EEF1B2: variants seen among roughly 807,000 people sequenced by gnomAD.
EEF1B2 encodes the protein eukaryotic translation elongation factor 1 beta 2.
A neutral mutation model predicts 28.3 loss-of-function variants in EEF1B2; 12 were observed. That is an observed-to-expected ratio of 0.42 (90% CI 0.27 to 0.69). The LOEUF (loss-of-function observed/expected upper bound fraction) is 0.69. EEF1B2 is among the 30% of genes least tolerant of loss of function. The pLI, the probability that EEF1B2 is intolerant of heterozygous loss-of-function variation, is 0.22. For missense variants in EEF1B2, 234 were observed against 272.6 expected, an observed-to-expected ratio of 0.86 and a Z score of 1.00; for synonymous variants, 83 against 99.9, an observed-to-expected ratio of 0.83 and a Z score of 1.01.
rs1256868764 is a variant in EEF1B2 at position 206,161,449 on chromosome 2, C to T, written c.307C>T (p.Leu103Phe). The change falls in exon 3 of 6, where the codon CTC (leucine) becomes TTC (phenylalanine). Residue 103 changes from leucine (L) to phenylalanine (F), a missense_variant. Leu to Phe is a conservative substitution (Grantham distance 22, BLOSUM62 0). This residue lies in a region of EEF1B2 where 178 missense variants were observed against 173.3 expected (regional missense o/e 1.03). Coordinates refer to ENST00000392222, the MANE Select transcript of EEF1B2 (RefSeq NM_001959.4). ...TAGTAAAGATGATGATGACATTGACCTCTTTGGATCTGATGATGAGGAGGT... is the reference window on the plus strand; with the variant it reads ...TAGTAAAGATGATGATGACATTGACTTCTTTGGATCTGATGATGAGGAGGT... ...TDSKDDDDID[L>F]FGSDDEEESE... 6.2e-7 allele frequency: 1 copy of T among 1,613,786 alleles called. No individual in the cohort carries two copies. Among genetic ancestry groups the T allele is most frequent in the Non-Finnish European group, 8.5e-7 (1 of 1,179,844 alleles).
upstream of EEF1B2, chr2:206,159,843 T>C: frequency 3.2e-6 from 3 of 936,640 alleles, no homozygotes; most frequent in Non-Finnish European, 4.8e-6. Context: ...TCCGGCGCGG[T>C]GGAGGGAAAC....
Position 206,160,210 on chromosome 2 carries a change from C to T in EEF1B2, c.80+151C>T, listed in dbSNP as rs1049659607. ...GGGGAAAGCGCCCCGTTGCCGTCTC[C>T]CAAGGCCCTCGTGTGGGGCGAGCCC... On this transcript the variant is annotated intron_variant, in intron 1 of 5. Coordinates refer to ENST00000392222, the MANE Select transcript of EEF1B2 (RefSeq NM_001959.4). 87 of 1,074,642 alleles carry T rather than the reference C, an allele frequency of 8.1e-5. No homozygotes were observed. The Admixed American group carries it at 2.4e-3, about 29-fold the overall frequency. 66.6% of individuals were successfully genotyped at this position (1,074,642 alleles called of 1,614,324 possible).
At chr2:206,159,661 C>A, upstream of EEF1B2, 1 of 251,702 alleles carries the variant, frequency 4.0e-6, no homozygotes, top group East Asian at 8.5e-5. Flanking sequence ...GGGCTGGTTC[C>A]CGTCATCTTC....
chr2:206,162,478 A>G lies in EEF1B2; in HGVS notation c.398-11A>G. The G allele has an allele frequency of 6.2e-7, 1 of 1,611,962 alleles. No homozygotes were observed. Among genetic ancestry groups the G allele is most frequent in the Non-Finnish European group, 8.5e-7 (1 of 1,179,600 alleles). On this transcript the variant is annotated splice_polypyrimidine_tract_variant and intron_variant, in intron 4 of 5. Coordinates refer to ENST00000392222, the MANE Select transcript of EEF1B2 (RefSeq NM_001959.4). ...ATTCATTATTTGAATAATGCTGTTT[A>G]TTGTTTTTAGAACCTGCACTTGTTG...
rs1687859413 is a variant in EEF1B2 at position 206,160,045 on chromosome 2, G to A, written c.66G>A (p.Lys22=). The A allele has an allele frequency of 3.7e-6, 6 of 1,613,056 alleles. No individual in the cohort carries two copies. Among genetic ancestry groups the A allele is most frequent in the Non-Finnish European group, 4.2e-6 (5 of 1,179,594 alleles). ...LQVLNDYLAD[K]SYIEGYVPSQ... is the part of the protein sequence containing the mutation. ...TGCTCAACGATTACCTGGCGGACAAGAGCTACATCGAGGGGTGAGCGGACG... is the reference window on the plus strand; with the variant it reads ...TGCTCAACGATTACCTGGCGGACAAAAGCTACATCGAGGGGTGAGCGGACG... The change falls in exon 1 of 6, where the codon AAG becomes AAA. Residue 22 remains lysine (K), a synonymous_variant. Transcript: ENST00000392222.
At chr2:206,159,624 C>G (rs1027835191), upstream of EEF1B2, 8 of 230,650 alleles carry the variant, frequency 3.5e-5, no homozygotes, top group African/African-American at 4.6e-5. Flanking sequence ...CGAGGCCGGG[C>G]GTCTTCGGTC....
chr2:206,159,999 A>G lies in EEF1B2; in HGVS notation c.20A>G (p.Lys7Arg). The G allele has an allele frequency of 6.2e-7, 1 of 1,613,158 alleles. No homozygotes were observed. Among genetic ancestry groups the G allele is most frequent in the Non-Finnish European group, 8.5e-7 (1 of 1,179,760 alleles). The change falls in exon 1 of 6, where the codon AAA (lysine) becomes AGA (arginine). Residue 7 changes from lysine to arginine, a missense_variant. Coordinates refer to ENST00000392222, the MANE Select transcript of EEF1B2 (RefSeq NM_001959.4). MGFGDLKSPAGLQVLND... is the reference protein window; with the variant it reads MGFGDLRSPAGLQVLND... ...GACACCATGGGTTTCGGAGACCTGAAAAGCCCTGCCGGCCTCCAGGTGCTC... is the reference window on the plus strand; with the variant it reads ...GACACCATGGGTTTCGGAGACCTGAGAAGCCCTGCCGGCCTCCAGGTGCTC...
chr2:206,162,345 G>A (rs1687958671), intron 4 of EEF1B2, 144 bp from the exon 5 acceptor site: 1 of 1,360,072 alleles, frequency 7.4e-7, no homozygotes, highest in Non-Finnish European at 1.1e-6. Flanking sequence ...GGGTATATAT[G>A]TGTGACAGAC....
At chr2:206,161,134 T>G in intron 2 of EEF1B2, 1 of 615,196 alleles carries the variant, frequency 1.6e-6, no homozygotes, top group East Asian at 2.9e-5. Flanking sequence ...TAAATCATAG[T>G]GAGTATTGAA....
At chr2:206,161,208 C>T in intron 2 of EEF1B2, 138 bp from the exon 3 acceptor site, 1 of 1,207,408 alleles carries the variant, frequency 8.3e-7, no homozygotes. Flanking sequence ...CAGTGTTTAC[C>T]TGGGCGCATG....
Position 206,159,934 on chromosome 2 carries a change from G to T in EEF1B2, c.-46G>T. ...TCAGCGTGGGGCGCCCACAATTTGC[G>T]CGCTCTCTTTCTGCTGCTCCCCAGC... On this transcript the variant is annotated 5_prime_UTR_variant, in exon 1 of 6. Coordinates refer to ENST00000392222, the MANE Select transcript of EEF1B2 (RefSeq NM_001959.4). 6.3e-7 allele frequency: 1 copy of T among 1,595,934 alleles called. No individual in the cohort carries two copies. The highest frequency in any genetic ancestry group is 8.5e-7 in the Non-Finnish European group (1 of 1,173,098).
At position 206,162,765 on chromosome 2, in the gene EEF1B2, T is replaced by C. The variant is rs1022744069; in HGVS notation, c.560T>C (p.Leu187Pro). The change falls in exon 6 of 6, where the codon CTT becomes CCT. Residue 187 changes from leucine to proline, a missense_variant. Coordinates refer to ENST00000392222, the MANE Select transcript of EEF1B2 (RefSeq NM_001959.4). ...LVPVGYGIKK[L>P]QIQCVVEDDK... ...CCAGTGGGATACGGAATTAAGAAAC[T>C]TCAAATACAGTGTGTAGTTGAAGAT... 1.2e-6 allele frequency: 2 copies of C among 1,613,148 alleles called. No individual in the cohort carries two copies. The highest frequency in any genetic ancestry group is 1.7e-6 in the Non-Finnish European group (2 of 1,180,004).
At chr2:206,161,139 A>T in intron 2 of EEF1B2, 1 of 624,540 alleles carries the variant, frequency 1.6e-6, no homozygotes, top group South Asian at 1.9e-5. Flanking sequence ...CATAGTGAGT[A>T]TTGAAAATAA....
At position 206,162,008 on chromosome 2, in the gene EEF1B2, C is replaced by T. The variant is rs767124505; in HGVS notation, c.331-30C>T. On this transcript the variant is annotated intron_variant, in intron 3 of 5. Transcript: ENST00000392222. The stretch of plus-strand genomic sequence containing the variant: ...TTTAAGCAGAGGAACAACCAGCTTT[C>T]TGAAGTGGATTAATTTTTTTTCTTT... 2.5e-6 allele frequency: 4 copies of T among 1,602,068 alleles called. No homozygotes were observed. In the Admixed American group the frequency reaches 6.7e-5, roughly 27 times the overall value.
At chr2:206,161,284 G>A (rs1687920363) in intron 2 of EEF1B2, 62 bp from the exon 3 acceptor site, 2 of 1,597,578 alleles carry the variant, frequency 1.3e-6, no homozygotes, top group African/African-American at 1.3e-5. Context: ...AAGTTATTTT[G>A]TATTTTCTGG....
chr2:206,160,546 G>A (rs751448456), intron 1 of EEF1B2, 42 bp from the exon 2 acceptor site: 1 of 1,613,202 alleles, frequency 6.2e-7, no homozygotes, highest in Non-Finnish European at 8.5e-7. Context: ...GCTGGCGTTT[G>A]TTTTTCAAAG....
At chr2:206,161,982 C>A in intron 3 of EEF1B2, 56 bp from the exon 4 acceptor site, 1 of 1,501,160 alleles carries the variant, frequency 6.7e-7, no homozygotes, top group Middle Eastern at 1.7e-4. Flanking sequence ...ACCCCACTAG[C>A]TTTAAGCAGA....
intron 3 of EEF1B2, 79 bp from the exon 4 acceptor site, chr2:206,161,959 C>G (rs748946021): frequency 1.7e-5 from 22 of 1,258,300 alleles, no homozygotes; most frequent in East Asian, 4.6e-5. Context: ...TTAAGCCAGT[C>G]TTTTTTGTGA....
In EEF1B2 at chr2:206,159,941, C is replaced by T. The variant is rs778835616; in HGVS notation, c.-39C>T. 4.4e-6 allele frequency: 7 copies of T among 1,603,646 alleles called. No individual in the cohort carries two copies. Among genetic ancestry groups the T allele is most frequent in the Non-Finnish European group, 5.1e-6 (6 of 1,176,568 alleles). On this transcript the variant is annotated 5_prime_UTR_variant, in exon 1 of 6. Coordinates refer to ENST00000392222, the MANE Select transcript of EEF1B2 (RefSeq NM_001959.4). The stretch of plus-strand genomic sequence containing the variant: ...GGGGCGCCCACAATTTGCGCGCTCT[C>T]TTTCTGCTGCTCCCCAGCTCTCGGA...
Sources: gnomAD v4.1 joint callset for allele counts on GRCh38, gnomAD v4.1.1 for gene constraint, gnomAD v4.1.1 regional missense constraint, MANE v1.5 for transcripts, NCBI Gene and HGNC (gene_info 2026-07-23, HGNC 2026-07-21) for gene names.